CENPN: variants seen among roughly 807,000 people sequenced by gnomAD.
CENPN encodes the protein centromere protein N, also known as interphase centromere complex protein 32.
In CENPN, 36 loss-of-function variants were observed where a neutral mutation model predicts 48.6. The observed-to-expected ratio is 0.74, with a 90% CI of 0.57 to 0.98. The LOEUF is 0.98. Ranked by LOEUF, CENPN falls within the 50% of genes least tolerant of loss-of-function variation. CENPN has a pLI of 0.00. For missense variants in CENPN, 439 were observed against 399.2 expected (o/e 1.10, Z -0.85); for synonymous variants, 166 against 135.2 (o/e 1.23, Z -1.58).
intron 8 of CENPN, 122 bp downstream of exon 8, chr16:81,024,900 A>G: frequency 1.8e-6 from 1 of 549,652 alleles, no homozygotes. Flanking sequence ...TTTCAGAAAA[A>G]TTGAAAAGTA....
chr16:81,028,697 A>G lies in CENPN; in HGVS notation c.*46A>G, dbSNP rs370371110. On this transcript the variant is annotated 3_prime_UTR_variant, in exon 11 of 11. Transcript: ENST00000305850. ...CACAGCTCCTCCTTCTTGATATTGC[A>G]CATGCACTTCAGTTCATGGCTAGCT... 6 of 1,588,466 alleles carry G rather than the reference A, an allele frequency of 3.8e-6. No homozygotes were observed. The highest frequency in any genetic ancestry group is 1.4e-5 in the African/African-American group (1 of 72,914).
rs114014691 is a variant in CENPN at position 81,013,679 on chromosome 16, C to T, written c.172-457C>T. ...AAGGTTGCAGTGAGCTAAGATTGCG[C>T]GTTTGCACTCCTGCTTGGGCAATAG... is the stretch of plus-strand genomic sequence containing the variant. On this transcript the variant is annotated intron_variant, in intron 2 of 10. Coordinates refer to ENST00000305850, the MANE Select transcript of CENPN (RefSeq NM_001100624.3). Among the ~76,000 whole-genome samples, 440 of 151,908 alleles carry T rather than the reference C, an allele frequency of 2.9e-3. 4 individuals carry two copies. The highest frequency in any genetic ancestry group is 0.01 in the African/African-American group (417 of 41,428).
rs543665245 is a variant in CENPN, at chr16:81,020,136, G to C, written c.391G>C (p.Val131Leu). ...VSFRETEENA[V>L]WIRIAWGTQY... ...CTTCAGAGAAACTGAGGAGAATGCA[G>C]TCTGGATTCGAATTGCCTGGGGAAC... The change falls in exon 6 of 11, where the codon GTC becomes CTC. Residue 131 changes from valine (V) to leucine (L), a missense_variant. By Grantham distance (32) the Val-to-Leu change is conservative (BLOSUM62 1). Coordinates refer to ENST00000305850, the MANE Select transcript of CENPN (RefSeq NM_001100624.3). The C allele has an allele frequency of 6.1e-5, 98 of 1,613,036 alleles. No homozygotes were observed. In the East Asian group the frequency reaches 2.1e-3, roughly 35 times the overall value.
At position 81,017,775 on chromosome 16, in the gene CENPN, T is replaced by A; in HGVS notation, c.295T>A (p.Phe99Ile). 1.3e-6 allele frequency: 2 copies of A among 1,590,816 alleles called. No homozygotes were observed. The highest frequency in any genetic ancestry group is 2.3e-5 in the South Asian group (2 of 85,718). ...TTTGGCAGGTGAAGATGTTGACCTT[T>A]TTGATATGAAACAATTTAAAAATTC... Reference protein sequence around the residue: ...SKGPGEDVDLFDMKQFKNSFK... With the variant: ...SKGPGEDVDLIDMKQFKNSFK... Residue 99 changes from phenylalanine to isoleucine, a missense_variant, in exon 5 of 11, where the codon TTT (phenylalanine) becomes ATT (isoleucine). Coordinates refer to ENST00000305850, the MANE Select transcript of CENPN (RefSeq NM_001100624.3).
chr16:81,030,653 G>A lies in CENPN; in HGVS notation c.*2002G>A, dbSNP rs1420123211. 5.9e-5 allele frequency: 9 copies of A among 152,768 alleles called. No individual in the cohort carries two copies. The highest frequency in any genetic ancestry group is 1.7e-4 in the African/African-American group (7 of 41,580). The allele number at this position is 152,768 out of a possible 1,614,324, so 9.5% of individuals were successfully genotyped here. The stretch of plus-strand genomic sequence containing the variant: ...AATCCCAGCTATTCGAGAGGCTGAG[G>A]CAGGAGAACTGGTTGAACCGGGGAG... On this transcript the variant is annotated 3_prime_UTR_variant, in exon 11 of 11. Coordinates refer to ENST00000305850, the MANE Select transcript of CENPN (RefSeq NM_001100624.3).
Position 81,007,665 on chromosome 16 carries a change from C to G in CENPN, c.-11+388C>G, listed in dbSNP as rs146203568. Among the ~76,000 whole-genome samples, 446 of 152,314 alleles carry G rather than the reference C, an allele frequency of 2.9e-3. 2 individuals carry two copies. The highest frequency in any genetic ancestry group is 6.8e-3 in the Middle Eastern group (2 of 294). On this transcript the variant is annotated intron_variant, in intron 1 of 10. Coordinates refer to ENST00000305850, the MANE Select transcript of CENPN (RefSeq NM_001100624.3). The stretch of plus-strand genomic sequence containing the variant: ...CGTTTTTTGTCCCTGTACCCTCTTG[C>G]GTTGCTCCTCGCATTGCCTGTTGGA...
Position 81,028,726 on chromosome 16 carries a change from T to G in CENPN, c.*75T>G, listed in dbSNP as rs1970629828. On this transcript the variant is annotated 3_prime_UTR_variant, in exon 11 of 11. Transcript: ENST00000305850. ...GCACTTCAGTTCATGGCTAGCTGTA[T>G]AGCTTCCGTCTGTAAACTTGTATTT... The G allele has an allele frequency of 1.9e-6, 3 of 1,544,514 alleles. No homozygotes were observed. The highest frequency in any genetic ancestry group is 2.6e-6 in the Non-Finnish European group (3 of 1,152,972).
At chr16:81,024,162 C>T (rs995552044) in intron 7 of CENPN, 1 of 152,008 alleles carries the variant, frequency 6.6e-6, no homozygotes, top group Non-Finnish European at 1.5e-5. Context: ...ATCTCCAAAG[C>T]CCAGGGAGAC....
chr16:81,008,954 C>G (rs2970079), intron 1 of CENPN, among the ~76,000 whole-genome samples: 99,674 of 152,178 alleles, frequency 0.65, 34,283 homozygotes, highest in Middle Eastern at 0.8. Context: ...CGCCTGTAAT[C>G]CCAGTACTTT....
At chr16:81,010,498 T>C (rs1179101879) in intron 1 of CENPN, among the ~76,000 whole-genome samples, 2 of 152,154 alleles carry the variant, frequency 1.3e-5, no homozygotes, top group Non-Finnish European at 2.9e-5. Context: ...CCCTCAGGCA[T>C]GGGCAGGAGA....
chr16:81,028,723 G>A lies in CENPN; in HGVS notation c.*72G>A, dbSNP rs1328663589. ...CATGCACTTCAGTTCATGGCTAGCT[G>A]TATAGCTTCCGTCTGTAAACTTGTA... On this transcript the variant is annotated 3_prime_UTR_variant, in exon 11 of 11. Coordinates refer to ENST00000305850, the MANE Select transcript of CENPN (RefSeq NM_001100624.3). 6 of 1,546,686 alleles carry A rather than the reference G, an allele frequency of 3.9e-6. No homozygotes were observed. The African/African-American group carries it at 7.0e-5, about 18-fold the overall frequency.
intron 7 of CENPN, chr16:81,023,695 G>C (rs1398629771): frequency 6.6e-6 from 1 of 151,806 alleles, no homozygotes; most frequent in Non-Finnish European, 1.5e-5. Context: ...CTAGCTCTTT[G>C]GGAGGCCAAG....
rs1970708049 is a variant in CENPN, at chr16:81,030,194, C to A, written c.*1543C>A. The A allele has an allele frequency of 1.0e-6, 1 of 985,442 alleles. No individual in the cohort carries two copies. Among genetic ancestry groups the A allele is most frequent in the South Asian group, 4.7e-5 (1 of 21,292 alleles). 61.0% of individuals were successfully genotyped at this position (985,442 alleles called of 1,614,324 possible). ...TCAAGGTGACACTTGTGTGGAGACA[C>A]AGCCAAACCATATCACAGGCATGAG... On this transcript the variant is annotated 3_prime_UTR_variant, in exon 11 of 11. Coordinates refer to ENST00000305850, the MANE Select transcript of CENPN (RefSeq NM_001100624.3).
chr16:81,026,133 A>ATATATATGTG (rs1215293817), intron 8 of CENPN, among the ~76,000 whole-genome samples: 22 of 54,970 alleles, frequency 4.0e-4, no homozygotes, highest in African/African-American at 9.4e-4. Flanking sequence ...ATATGTGTGT[A>ATATATATGTG]TATATATATG....
intron 3 of CENPN, 56 bp downstream of exon 3, chr16:81,014,237 T>C (rs780308859): frequency 1.3e-6 from 2 of 1,497,114 alleles, no homozygotes; most frequent in Admixed American, 1.7e-5. Flanking sequence ...AGAGGCAATT[T>C]TGTTTCTTTC....
In CENPN at chr16:81,007,822, T is replaced by C. The variant is rs1969517150; in HGVS notation, c.-11+545T>C. On this transcript the variant is annotated intron_variant, in intron 1 of 10. Coordinates refer to ENST00000305850, the MANE Select transcript of CENPN (RefSeq NM_001100624.3). ...AGGAAGTATAAAGAAAGTTTTAAAA[T>C]GGGGCCAGGCGCGGTAGTTTACGCC... Among the ~76,000 whole-genome samples, 3 of 152,130 alleles carry C rather than the reference T, an allele frequency of 2.0e-5. No individual in the cohort carries two copies. In the South Asian group the frequency reaches 6.2e-4, roughly 32 times the overall value.
At chr16:81,012,233 G>A in intron 2 of CENPN, 123 bp downstream of exon 2, 2 of 722,138 alleles carry the variant, frequency 2.8e-6, no homozygotes, top group South Asian at 3.1e-5. Context: ...AGTGATGAGG[G>A]CTATATACAA....
In CENPN at chr16:81,029,285, C is replaced by G; in HGVS notation, c.*634C>G. 1 of 913,006 alleles carries G rather than the reference C, an allele frequency of 1.1e-6. No homozygotes were observed. The highest frequency in any genetic ancestry group is 5.1e-5 in the South Asian group (1 of 19,792). The allele number at this position is 913,006 out of a possible 1,614,324, so 56.6% of individuals were successfully genotyped here. A position where few individuals can be genotyped will look rare whatever the true frequency, so the allele number is the denominator to read the frequency against. Reference sequence around the variant, plus strand: ...ACATTCAAACTGACAAATATATTGACTTATGAATAAAGGTGTCAAAAAACT... The same window carrying G: ...ACATTCAAACTGACAAATATATTGAGTTATGAATAAAGGTGTCAAAAAACT... On this transcript the variant is annotated 3_prime_UTR_variant, in exon 11 of 11. Transcript: ENST00000305850.
At chr16:81,019,640 TAC>T (rs1305144798) in intron 5 of CENPN, among the ~76,000 whole-genome samples, 1 of 151,994 alleles carries the variant, frequency 6.6e-6, no homozygotes, top group African/African-American at 2.4e-5. Context: ...CATAAATTCT[TAC>T]GTAAGGAGGA....
Sources: gnomAD v4.1 joint callset for allele counts (sites outside exome capture counted in the v4.1 genomes callset) on GRCh38, gnomAD v4.1.1 for gene constraint, MANE v1.5 for transcripts, NCBI Gene and HGNC (gene_info 2026-07-23, HGNC 2026-07-21) for gene names.